ABCC4: variants seen among roughly 807,000 people sequenced by gnomAD.
The protein encoded by ABCC4 is ATP-binding cassette sub-family C member 4.
ABCC4 carries 102 observed loss-of-function variants against 168.5 expected under a neutral mutation model. The observed-to-expected ratio is 0.61, with a 90% CI of 0.52 to 0.71. The LOEUF is 0.71. Ranked by LOEUF, ABCC4 falls within the 30% of genes least tolerant of loss-of-function variation. ABCC4 has a pLI of 0.00. For synonymous variants in ABCC4, 617 were observed against 590.7 expected, an observed-to-expected ratio of 1.04 and a Z score of -0.65; for missense variants, 1,402 against 1,605.8, an observed-to-expected ratio of 0.87 and a Z score of 2.17.
At chr13:95,200,182 G>A (rs913642312) in intron 8 of ABCC4, among the ~76,000 whole-genome samples, 11 of 152,332 alleles carry the variant, frequency 7.2e-5, no homozygotes, top group African/African-American at 2.4e-4. Context: ...GCTTAAGCTA[G>A]GTGCTCAATT....
intron 19 of ABCC4, among the ~76,000 whole-genome samples, chr13:95,130,752 C>A (rs759023146): frequency 6.6e-6 from 1 of 152,036 alleles, no homozygotes; most frequent in Non-Finnish European, 1.5e-5. Flanking sequence ...TCTTTGGTTG[C>A]GATGGAGAAT....
At chr13:95,025,364 A>C (rs1295100435) in intron 30 of ABCC4, among the ~76,000 whole-genome samples, 10 of 11,084 alleles carry the variant, frequency 9.0e-4, no homozygotes, top group South Asian at 5.0e-3. Context: ...CCCCACACAC[A>C]CCCACACCCC....
rs1751063 is a variant in ABCC4 at position 95,121,459 on chromosome 13, C to A, written c.2456-5458G>T. 1.9e-3 allele frequency among the ~76,000 whole-genome samples: 289 copies of A among 148,230 alleles called. 2 individuals are homozygous for A. The highest frequency in any genetic ancestry group is 6.9e-3 in the African/African-American group (277 of 39,988). On this transcript the variant is annotated intron_variant, in intron 19 of 30. Coordinates refer to ENST00000645237, the MANE Select transcript of ABCC4 (RefSeq NM_005845.5). ...TTTTTTTTTTTGAGAAAAGGTCTCA[C>A]TCTGTTGCCCAGGTCAAGGCTCACT...
At chr13:95,156,823 T>C (rs1430071224) in intron 19 of ABCC4, among the ~76,000 whole-genome samples, 1 of 152,078 alleles carries the variant, frequency 6.6e-6, no homozygotes, top group Non-Finnish European at 1.5e-5. Flanking sequence ...CAGGGCGCGG[T>C]AGCTCACGCC....
rs564386648 is a variant in ABCC4 at position 95,204,483 on chromosome 13, G to A, written c.1161+2049C>T. ...TTCTAGTGATAGTGAGTTCTCATGA[G>A]ATCTGATGGTTTTATACGCGTCTGG... On this transcript the variant is annotated intron_variant, in intron 8 of 30. Coordinates refer to ENST00000645237, the MANE Select transcript of ABCC4 (RefSeq NM_005845.5). Among the ~76,000 whole-genome samples the A allele has an allele frequency of 3.9e-5, 6 of 152,210 alleles. No individual in the cohort carries two copies. The South Asian group carries it at 1.2e-3, about 32-fold the overall frequency.
intron 29 of ABCC4, among the ~76,000 whole-genome samples, chr13:95,038,647 G>T (rs1197681540): frequency 3.3e-5 from 5 of 152,174 alleles, no homozygotes; most frequent in Admixed American, 3.3e-4. Context: ...TTCCTCAAGG[G>T]CAGGGTTATG....
At chr13:95,201,699 G>T (rs1176253758) in intron 8 of ABCC4, among the ~76,000 whole-genome samples, 3 of 152,078 alleles carry the variant, frequency 2.0e-5, no homozygotes, top group African/African-American at 7.2e-5. Flanking sequence ...TGGGCCGGGT[G>T]CGGTGGCTTA....
intron 20 of ABCC4, chr13:95,096,211 G>A: frequency 3.2e-6 from 2 of 628,830 alleles, no homozygotes; most frequent in South Asian, 1.9e-5. Flanking sequence ...ATATTCAATG[G>A]GCTGGCAGCA....
chr13:95,267,831 G>C (rs2040724854), intron 1 of ABCC4, among the ~76,000 whole-genome samples: 1 of 152,160 alleles, frequency 6.6e-6, no homozygotes, highest in Non-Finnish European at 1.5e-5. Flanking sequence ...GTGATGAGAG[G>C]GCTGGGCTTG....
At chr13:95,214,251 GAA>G (rs1330742230) in intron 4 of ABCC4, among the ~76,000 whole-genome samples, 1 of 151,622 alleles carries the variant, frequency 6.6e-6, no homozygotes, top group Non-Finnish European at 1.5e-5. Flanking sequence ...AGAACAAACA[GAA>G]AAAAAGAGTT....
intron 20 of ABCC4, among the ~76,000 whole-genome samples, chr13:95,097,426 G>A (rs2034638748): frequency 6.6e-6 from 1 of 151,890 alleles, no homozygotes; most frequent in South Asian, 2.1e-4. Context: ...AACAAAGACT[G>A]TAAATACAGA....
intron 29 of ABCC4, among the ~76,000 whole-genome samples, chr13:95,040,886 C>T (rs2032328167): frequency 6.6e-6 from 1 of 152,186 alleles, no homozygotes; most frequent in Admixed American, 6.5e-5. Flanking sequence ...TTTCTCAGGC[C>T]TGGTTTTGCT....
intron 8 of ABCC4, among the ~76,000 whole-genome samples, chr13:95,202,644 C>CTTTTTTTTTTTTTTTTTTTTTT (rs10603210): frequency 1.1e-5 from 1 of 93,068 alleles, no homozygotes; most frequent in African/African-American, 4.1e-5. Context: ...AGAATGTGCA[C>CTTTTTTTTTTTTTTTTTTTTTT]TTTTTTTTTT....
At chr13:95,146,694 A>G (rs916146039) in intron 19 of ABCC4, among the ~76,000 whole-genome samples, 4 of 152,342 alleles carry the variant, frequency 2.6e-5, no homozygotes, top group Middle Eastern at 3.4e-3. Flanking sequence ...TCAGAGGCAG[A>G]GAGACTGCAA....
At chr13:95,281,972 T>C (rs2041135822) in intron 1 of ABCC4, among the ~76,000 whole-genome samples, 2 of 152,014 alleles carry the variant, frequency 1.3e-5, no homozygotes, top group South Asian at 4.2e-4. Flanking sequence ...CCGGATGTGG[T>C]AGCACGCACC....
chr13:95,086,248 C>T (rs964053663), intron 20 of ABCC4, among the ~76,000 whole-genome samples: 1 of 151,878 alleles, frequency 6.6e-6, no homozygotes, highest in Non-Finnish European at 1.5e-5. Context: ...TAGAACATGG[C>T]AACACATATT....
intron 1 of ABCC4, among the ~76,000 whole-genome samples, chr13:95,276,805 G>A (rs2040983602): frequency 6.6e-6 from 1 of 152,188 alleles, no homozygotes; most frequent in Non-Finnish European, 1.5e-5. Flanking sequence ...GATCACCTGA[G>A]GCCAGGAGTC....
intron 25 of ABCC4, among the ~76,000 whole-genome samples, chr13:95,070,260 A>G (rs1269574834): frequency 1.3e-5 from 2 of 152,116 alleles, no homozygotes; most frequent in East Asian, 3.9e-4. Flanking sequence ...AGAATCTATA[A>G]GATGATGTGG....
intron 20 of ABCC4, among the ~76,000 whole-genome samples, chr13:95,109,391 A>AACACACACACACACACACACAC (rs61165942): frequency 1.3e-5 from 2 of 150,342 alleles, no homozygotes; most frequent in African/African-American, 4.9e-5. Context: ...CAGGTGTGCA[A>AACACACACACACACACACACAC]ACACACACAC....
Sources: gnomAD v4.1 joint callset for allele counts (sites outside exome capture counted in the v4.1 genomes callset) on GRCh38, gnomAD v4.1.1 for gene constraint, MANE v1.5 for transcripts, NCBI Gene and HGNC (gene_info 2026-07-23, HGNC 2026-07-21) for gene names.